FARP1: variants seen among roughly 807,000 people sequenced by gnomAD.
FARP1 encodes FERM, ARHGEF and pleckstrin domain-containing protein 1.
A neutral mutation model predicts 128.8 loss-of-function variants in FARP1; 52 were observed. That is an observed-to-expected ratio of 0.40 (90% confidence interval 0.32 to 0.51). The LOEUF (loss-of-function observed/expected upper bound fraction) is 0.51. Ranked by LOEUF, FARP1 falls within the 20% of genes least tolerant of loss-of-function variation. FARP1 has a pLI of 0.45. For missense variants in FARP1, 1,333 were observed against 1,367.9 expected (o/e 0.97, Z 0.40); for synonymous variants, 580 against 551.8 (o/e 1.05, Z -0.72).
intron 2 of FARP1, among the ~76,000 whole-genome samples, chr13:98,319,483 G>C (rs1304223554): frequency 6.6e-6 from 1 of 152,106 alleles, no homozygotes; most frequent in Non-Finnish European, 1.5e-5. Context: ...AGCCAGGCGT[G>C]GTAGCAGGCA....
chr13:98,238,141 T>C (rs1261124256), intron 2 of FARP1, among the ~76,000 whole-genome samples: 1 of 152,212 alleles, frequency 6.6e-6, no homozygotes, highest in Non-Finnish European at 1.5e-5. Flanking sequence ...GAGAAGCAGC[T>C]TCTCCCGACT....
chr13:98,419,620 A>G lies in FARP1; in HGVS notation c.1827-4952A>G, dbSNP rs145304328. Among the ~76,000 whole-genome samples, 601 of 152,134 alleles carry G rather than the reference A, an allele frequency of 4.0e-3. 5 individuals carry two copies. Among genetic ancestry groups the G allele is most frequent in the African/African-American group, 0.014 (578 of 41,480 alleles). ...TGTTCCCACTTACTCATTTCACACT[A>G]TGCTTTTCACTTACATAGACACACA... On this transcript the variant is annotated intron_variant, in intron 16 of 26. Coordinates refer to ENST00000319562, the MANE Select transcript of FARP1 (RefSeq NM_005766.4).
intron 2 of FARP1, among the ~76,000 whole-genome samples, chr13:98,301,586 T>C (rs766184444): frequency 6.6e-6 from 1 of 152,162 alleles, no homozygotes; most frequent in African/African-American, 2.4e-5. Context: ...GGGACTTGGA[T>C]TGTTGAAAGC....
chr13:98,164,913 CTACTAAAAA>C (rs1179564043), intron 1 of FARP1, among the ~76,000 whole-genome samples: 1 of 151,796 alleles, frequency 6.6e-6, no homozygotes, highest in Non-Finnish European at 1.5e-5. Context: ...AATCCCATCC[CTACTAAAAA>C]TACAAAAATT....
intron 1 of FARP1, among the ~76,000 whole-genome samples, chr13:98,182,261 G>T (rs1878588424): frequency 6.6e-6 from 1 of 151,582 alleles, no homozygotes; most frequent in South Asian, 2.1e-4. Flanking sequence ...TCTTTTTACT[G>T]TTTTTTTTTA....
intron 16 of FARP1, among the ~76,000 whole-genome samples, chr13:98,412,580 A>C (rs1891232976): frequency 6.6e-6 from 1 of 152,274 alleles, no homozygotes; most frequent in Non-Finnish European, 1.5e-5. Flanking sequence ...AAGACATCCA[A>C]TGAATAATTA....
intron 1 of FARP1, among the ~76,000 whole-genome samples, chr13:98,194,082 T>C (rs1310928729): frequency 1.3e-5 from 2 of 152,026 alleles, no homozygotes; most frequent in East Asian, 3.8e-4. Context: ...AATTTTATTT[T>C]TATTATACAC....
At chr13:98,421,436 T>G (rs1193432177) in intron 16 of FARP1, among the ~76,000 whole-genome samples, 1 of 152,154 alleles carries the variant, frequency 6.6e-6, no homozygotes, top group Non-Finnish European at 1.5e-5. Context: ...ATCCTCCCCA[T>G]TTCTTCTCCC....
chr13:98,439,806 C>T (rs1236810449), intron 21 of FARP1, among the ~76,000 whole-genome samples, 155 bp from the exon 22 acceptor site: 2 of 152,098 alleles, frequency 1.3e-5, no homozygotes, highest in African/African-American at 4.8e-5. Flanking sequence ...TTGGGTTTTT[C>T]CAACTCAGAG....
intron 6 of FARP1, among the ~76,000 whole-genome samples, chr13:98,380,711 C>T (rs1000557744): frequency 6.6e-6 from 1 of 151,988 alleles, no homozygotes; most frequent in African/African-American, 2.4e-5. Context: ...GTAGCTGGGA[C>T]TCTAGGCACA....
At chr13:98,343,678 C>T (rs1888062530) in intron 2 of FARP1, 84 bp from the exon 3 acceptor site, 4 of 959,782 alleles carry the variant, frequency 4.2e-6, no homozygotes, top group African/African-American at 1.6e-5. Flanking sequence ...ACTTAGGAAT[C>T]CAGAGGTTTC....
intron 17 of FARP1, among the ~76,000 whole-genome samples, chr13:98,427,663 T>C (rs935248732): frequency 7.0e-6 from 1 of 143,844 alleles, no homozygotes; most frequent in Admixed American, 6.8e-5. Context: ...CACCCTCCCC[T>C]ACCCTAACCC....
chr13:98,435,852 A>G, intron 19 of FARP1, 146 bp downstream of exon 19: 1 of 835,642 alleles, frequency 1.2e-6, no homozygotes, highest in East Asian at 2.5e-5. Context: ...GAAAAACACA[A>G]CAGTGTCGTT....
intron 3 of FARP1, among the ~76,000 whole-genome samples, chr13:98,357,119 C>G (rs73565452): frequency 2.7e-3 from 404 of 152,116 alleles, no homozygotes; most frequent in African/African-American, 9.3e-3. Flanking sequence ...CATATACTTG[C>G]TTTTTTCTTT....
At chr13:98,300,175 G>A (rs1885863938) in intron 2 of FARP1, among the ~76,000 whole-genome samples, 1 of 152,256 alleles carries the variant, frequency 6.6e-6, no homozygotes, top group African/African-American at 2.4e-5. Flanking sequence ...TTGAGGCAAA[G>A]AGAAAGTTGG....
At chr13:98,445,708 T>A (rs9517306) in intron 24 of FARP1, 1 of 158,696 alleles carries the variant, frequency 6.3e-6, no homozygotes, top group East Asian at 1.9e-4. Context: ...CCCTCTCCCC[T>A]CAAGGTGGCT....
At chr13:98,279,210 G>A (rs1884816379) in intron 2 of FARP1, among the ~76,000 whole-genome samples, 1 of 152,086 alleles carries the variant, frequency 6.6e-6, no homozygotes. Flanking sequence ...AGAAAAAATT[G>A]CTCATGAAAT....
At chr13:98,229,745 T>C (rs1301364492) in intron 2 of FARP1, among the ~76,000 whole-genome samples, 5 of 152,082 alleles carry the variant, frequency 3.3e-5, no homozygotes, top group Non-Finnish European at 7.4e-5. Context: ...TTCAGTTCTT[T>C]TTTTTGTTTT....
rs766549230 is a variant in FARP1 at position 98,448,971 on chromosome 13, T to TTAAG, written c.*656_*659dup. The TTAAG allele has an allele frequency of 6.6e-6, 1 of 152,248 alleles. No individual in the cohort carries two copies. Among genetic ancestry groups the TTAAG allele is most frequent in the East Asian group, 1.9e-4 (1 of 5,194 alleles). The allele number at this position is 152,248 out of a possible 1,614,324, so 9.4% of individuals were successfully genotyped here. A position where few individuals can be genotyped will look rare whatever the true frequency, so the allele number is the denominator to read the frequency against. The stretch of plus-strand genomic sequence containing the variant: ...CTTGGTGCAAGTTGACCAAATCGTT[T>TTAAG]TAAGTGGTAACTCTTTCCAACCGTA... On this transcript the variant is annotated 3_prime_UTR_variant, in exon 27 of 27. Coordinates refer to ENST00000319562, the MANE Select transcript of FARP1 (RefSeq NM_005766.4).
Sources: gnomAD v4.1 joint callset for allele counts (sites outside exome capture counted in the v4.1 genomes callset) on GRCh38, gnomAD v4.1.1 for gene constraint, MANE v1.5 for transcripts, NCBI Gene and HGNC (gene_info 2026-07-23, HGNC 2026-07-21) for gene names.